PPFIA2: variants seen among roughly 807,000 people sequenced by gnomAD.
PPFIA2 encodes liprin-alpha-2.
In PPFIA2, 46 loss-of-function variants were observed where a neutral mutation model predicts 175.5. The observed-to-expected ratio is 0.26, with a 90% CI of 0.21 to 0.34. PPFIA2 has a LOEUF of 0.34. Ranked by LOEUF, PPFIA2 falls within the 10% of genes least tolerant of loss-of-function variation. The pLI is 1.00. For synonymous variants in PPFIA2, 568 were observed against 511.4 expected, an observed-to-expected ratio of 1.11 and a Z score of -1.49; for missense variants, 1,179 against 1,506.1, an observed-to-expected ratio of 0.78 and a Z score of 3.60.
At chr12:81,701,415 T>C (rs2076463869) in intron 3 of PPFIA2, among the ~76,000 whole-genome samples, 1 of 152,144 alleles carries the variant, frequency 6.6e-6, no homozygotes, top group African/African-American at 2.4e-5. Context: ...GTTGGAACAC[T>C]GTTAATACAT....
intron 8 of PPFIA2, among the ~76,000 whole-genome samples, chr12:81,389,775 CT>C (rs1220969970): frequency 3.3e-5 from 5 of 152,026 alleles, no homozygotes; most frequent in Non-Finnish European, 5.9e-5. Context: ...AAAGTCAGTA[CT>C]TATTTTAAGC....
chr12:81,712,095 T>C (rs2078011821), intron 3 of PPFIA2, among the ~76,000 whole-genome samples: 1 of 151,336 alleles, frequency 6.6e-6, no homozygotes, highest in South Asian at 2.1e-4. Context: ...TAAAGGAGAA[T>C]TAACATCAAT....
intron 7 of PPFIA2, among the ~76,000 whole-genome samples, chr12:81,406,798 G>T (rs775433254): frequency 6.6e-6 from 1 of 151,908 alleles, no homozygotes; most frequent in Non-Finnish European, 1.5e-5. Flanking sequence ...AGAAATAAAG[G>T]TACATAGTAT....
At chr12:81,409,569 T>C (rs1320125405) in intron 7 of PPFIA2, among the ~76,000 whole-genome samples, 2 of 152,252 alleles carry the variant, frequency 1.3e-5, no homozygotes, top group African/African-American at 2.4e-5. Flanking sequence ...TAAGGCATCA[T>C]AAAAACTCAT....
At chr12:81,708,871 A>C (rs993430891) in intron 3 of PPFIA2, among the ~76,000 whole-genome samples, 2 of 152,176 alleles carry the variant, frequency 1.3e-5, no homozygotes, top group Non-Finnish European at 2.9e-5. Flanking sequence ...ACTGTTAGGG[A>C]AGACAAAACA....
At chr12:81,425,858 AT>A (rs771373576) in intron 7 of PPFIA2, among the ~76,000 whole-genome samples, 4 of 152,164 alleles carry the variant, frequency 2.6e-5, no homozygotes, top group Non-Finnish European at 5.9e-5. Context: ...CATGTTATTA[AT>A]TCATAATATG....
chr12:81,487,545 G>C (rs971422296), intron 4 of PPFIA2, among the ~76,000 whole-genome samples: 8 of 151,514 alleles, frequency 5.3e-5, no homozygotes, highest in Non-Finnish European at 1.2e-4. Context: ...GGGTGGGAGG[G>C]CCTTGTCACT....
At chr12:81,730,311 C>A (rs964397715) in intron 3 of PPFIA2, among the ~76,000 whole-genome samples, 1 of 151,552 alleles carries the variant, frequency 6.6e-6, no homozygotes, top group Non-Finnish European at 1.5e-5. Context: ...GAAGAAATAT[C>A]TGAATCTGGG....
intron 4 of PPFIA2, among the ~76,000 whole-genome samples, chr12:81,574,960 G>A (rs191661253): frequency 1.1e-3 from 171 of 151,834 alleles, no homozygotes; most frequent in Non-Finnish European, 1.9e-3. Flanking sequence ...ATAAATTGAT[G>A]TCTCTCTTGG....
At chr12:81,493,572 T>G (rs914941004) in intron 4 of PPFIA2, among the ~76,000 whole-genome samples, 1 of 151,748 alleles carries the variant, frequency 6.6e-6, no homozygotes, top group Non-Finnish European at 1.5e-5. Context: ...TATTGTCAGG[T>G]TCACTGAAGA....
At chr12:81,403,104 GA>G (rs2042339993) in intron 8 of PPFIA2, among the ~76,000 whole-genome samples, 1 of 151,964 alleles carries the variant, frequency 6.6e-6, no homozygotes, top group Admixed American at 6.5e-5. Flanking sequence ...GAAATTCAAG[GA>G]AGCTGAAAAA....
chr12:81,498,829 T>C (rs1284167610), intron 4 of PPFIA2, among the ~76,000 whole-genome samples: 1 of 152,156 alleles, frequency 6.6e-6, no homozygotes, highest in Non-Finnish European at 1.5e-5. Context: ...TTCACTATGT[T>C]GGCCAGGCTA....
At chr12:81,751,532 GCT>G (rs1491550624) in intron 3 of PPFIA2, among the ~76,000 whole-genome samples, 1 of 117,974 alleles carries the variant, frequency 8.5e-6, no homozygotes, top group African/African-American at 3.2e-5. Context: ...TCTATAATAT[GCT>G]ACACACACAC....
intron 4 of PPFIA2, among the ~76,000 whole-genome samples, chr12:81,507,994 T>C (rs1341977632): frequency 1.3e-5 from 2 of 152,138 alleles, no homozygotes; most frequent in Admixed American, 6.5e-5. Context: ...TTAAAAAAAA[T>C]AATACCAAAG....
intron 3 of PPFIA2, among the ~76,000 whole-genome samples, chr12:81,717,329 T>C (rs1467842543): frequency 6.6e-6 from 1 of 151,702 alleles, no homozygotes; most frequent in Non-Finnish European, 1.5e-5. Context: ...CAAGTGTTCT[T>C]ATCTTATGGG....
At chr12:81,635,962 T>C (rs1380051839) in intron 4 of PPFIA2, among the ~76,000 whole-genome samples, 1 of 152,092 alleles carries the variant, frequency 6.6e-6, no homozygotes, top group Non-Finnish European at 1.5e-5. Flanking sequence ...TGTTTGAATT[T>C]TAGAAACAAA....
intron 7 of PPFIA2, among the ~76,000 whole-genome samples, chr12:81,409,166 A>C (rs572510189): frequency 6.6e-6 from 1 of 152,264 alleles, no homozygotes; most frequent in East Asian, 1.9e-4. Context: ...AAATAGAATG[A>C]AAAGAAGCTA....
chr12:81,399,575 A>G (rs1274798011), intron 8 of PPFIA2, among the ~76,000 whole-genome samples: 2 of 152,122 alleles, frequency 1.3e-5, no homozygotes, highest in African/African-American at 4.8e-5. Flanking sequence ...TAGAAAATTG[A>G]TACAACTTCA....
chr12:81,590,818 C>G (rs1158515886), intron 4 of PPFIA2, among the ~76,000 whole-genome samples: 1 of 152,150 alleles, frequency 6.6e-6, no homozygotes, highest in Non-Finnish European at 1.5e-5. Flanking sequence ...CTGTTAAGTC[C>G]TTTAAACATC....
Sources: gnomAD v4.1 joint callset for allele counts (sites outside exome capture counted in the v4.1 genomes callset) on GRCh38, gnomAD v4.1.1 for gene constraint, MANE v1.5 for transcripts, NCBI Gene and HGNC (gene_info 2026-07-23, HGNC 2026-07-21) for gene names.